The following INF2 variants were observed in gnomAD, a reference collection of about 807,000 sequenced individuals.
INF2 encodes inverted formin 2, also known as inverted formin-2.
In INF2, 43 loss-of-function variants were observed where a neutral mutation model predicts 123.5. That is an observed-to-expected ratio of 0.35 (90% confidence interval 0.27 to 0.45). The LOEUF (loss-of-function observed/expected upper bound fraction) is 0.45, where lower values mean the gene tolerates loss of function less well. INF2 is among the 20% of genes least tolerant of loss of function. The pLI is 1.00. For missense variants in INF2, 1,453 were observed against 1,682.7 expected, an observed-to-expected ratio of 0.86 and a Z score of 2.39; for synonymous variants, 851 against 745.0, an observed-to-expected ratio of 1.14 and a Z score of -2.32.
intron 6 of INF2, 128 bp from the exon 7 acceptor site, chr14:104,706,780 ACT>A (rs1187477698): frequency 2.9e-6 from 3 of 1,040,236 alleles, no homozygotes; most frequent in Non-Finnish European, 2.7e-6. Flanking sequence ...AGTCGCTGAA[ACT>A]CTCATCTCTA....
At chr14:104,718,171 C>G (rs1383307765) in intron 22 of INF2, among the ~76,000 whole-genome samples, 2 of 152,260 alleles carry the variant, frequency 1.3e-5, no homozygotes, top group Non-Finnish European at 2.9e-5. Flanking sequence ...GGTTCTCAAA[C>G]CCTGCTTGGG....
intron 22 of INF2, chr14:104,717,617 C>A (rs1890372712): frequency 6.6e-6 from 1 of 152,232 alleles, no homozygotes; most frequent in African/African-American, 2.4e-5. Flanking sequence ...AAGATAACTT[C>A]ACTTTGGGTT....
Position 104,710,968 on chromosome 14 carries a change from C to T in INF2, c.2271C>T (p.Phe757=). Residue 757 remains phenylalanine, a synonymous_variant, in exon 14 of 23, where the codon TTC becomes TTT. Coordinates refer to ENST00000392634, the MANE Select transcript of INF2 (RefSeq NM_022489.4). ...SLLTSRQLPI[F]CQLILRIGNF... is the part of the protein sequence containing the mutation. ...TCACCAGCCGCCAGCTGCCCATCTTCTGCCAGCTGATCCTGAGAATTGGGA... is the reference window on the plus strand; with the variant it reads ...TCACCAGCCGCCAGCTGCCCATCTTTTGCCAGCTGATCCTGAGAATTGGGA... The T allele has an allele frequency of 6.2e-7, 1 of 1,612,474 alleles. No homozygotes were observed. The highest frequency in any genetic ancestry group is 8.5e-7 in the Non-Finnish European group (1 of 1,179,792).
intron 2 of INF2, 134 bp from the exon 3 acceptor site, chr14:104,702,971 G>A: frequency 2.7e-6 from 2 of 741,546 alleles, no homozygotes; most frequent in Non-Finnish European, 4.7e-6. Flanking sequence ...GCCCACTGCT[G>A]TGGGCCACAG....
chr14:104,697,092 T>G (rs747696662), intron 1 of INF2, among the ~76,000 whole-genome samples: 45 of 152,294 alleles, frequency 3.0e-4, no homozygotes, highest in Non-Finnish European at 5.9e-4. Context: ...GTGGGGAGCC[T>G]GGACCCAGGC....
rs182087942 is a variant in INF2, at chr14:104,703,474, C to T, written c.667+20C>T. ...TTATCGGTAAGCACCTGCCCTGGGC[C>T]GCATGCCCGCTCCTGCCCGCCTCTT... On this transcript the variant is annotated intron_variant, in intron 4 of 22. Coordinates refer to ENST00000392634, the MANE Select transcript of INF2 (RefSeq NM_022489.4). The T allele has an allele frequency of 1.2e-5, 19 of 1,609,138 alleles. No homozygotes were observed. The highest frequency in any genetic ancestry group is 1.9e-4 in the Middle Eastern group (1 of 5,148).
At position 104,709,739 on chromosome 14, in the gene INF2, G is replaced by C. The variant is rs539720528; in HGVS notation, c.2138+34G>C. On this transcript the variant is annotated intron_variant, in intron 12 of 22. Coordinates refer to ENST00000392634, the MANE Select transcript of INF2 (RefSeq NM_022489.4). ...GGCCGCCCTCAGACCCCAGGGCCTG[G>C]GCCCCAGGTGGGAGGAGAGCAGGAA... The C allele has an allele frequency of 1.7e-5, 26 of 1,575,210 alleles. No individual in the cohort carries two copies. In the South Asian group the frequency reaches 2.4e-4, roughly 15 times the overall value.
In INF2 at chr14:104,693,351, C is replaced by T. The variant is rs548432135; in HGVS notation, c.-10+3612C>T. ...CCCCGGGCCCACCTCACAGTGAAGG[C>T]AGAGGCCCCCAGGCAGCCCTTGGTG... is the stretch of plus-strand genomic sequence containing the variant. On this transcript the variant is annotated intron_variant, in intron 1 of 22. Transcript: ENST00000392634. Among the ~76,000 whole-genome samples, 14 of 152,328 alleles carry T rather than the reference C, an allele frequency of 9.2e-5. No homozygotes were observed. The South Asian group carries it at 2.7e-3, about 29-fold the overall frequency.
chr14:104,698,129 G>T (rs561267432), intron 1 of INF2, among the ~76,000 whole-genome samples: 1 of 152,258 alleles, frequency 6.6e-6, no homozygotes. Flanking sequence ...TCCTGCGCTG[G>T]TGGCCCCGCC....
At chr14:104,715,727 C>T in intron 22 of INF2, 1 of 522,232 alleles carries the variant, frequency 1.9e-6, no homozygotes, top group East Asian at 4.8e-5. Flanking sequence ...CTGGCGCTAA[C>T]TGCAGTTCCA....
rs1890363671 is a variant in INF2, at chr14:104,717,424, C to G, written c.*2-1371C>G. 3.9e-5 allele frequency: 6 copies of G among 152,428 alleles called. No homozygotes were observed. In the South Asian group the frequency reaches 1.2e-3, roughly 31 times the overall value. The allele number at this position is 152,428 out of a possible 1,614,324, so 9.4% of individuals were successfully genotyped here. A position where few individuals can be genotyped will look rare whatever the true frequency, so the allele number is the denominator to read the frequency against. ...GCTTCACGTCCACATGCTTCTAATA[C>G]TCGGTCCCAGTGCAGATGTGCCACT... On this transcript the variant is annotated intron_variant, in intron 22 of 22. Transcript: ENST00000392634.
Position 104,699,611 on chromosome 14 carries a change from C to T in INF2, c.-9-1746C>T. ...CTTGCGCATCTGGGTGAGTGGACGG[C>T]CACTGGGTGACCAAGAGGGCCGGGC... On this transcript the variant is annotated intron_variant, in intron 1 of 22. Transcript: ENST00000392634. The surrounding 1 kb of genome is among the most constrained non-coding windows in gnomAD (Gnocchi z 4.7). The T allele has an allele frequency of 2.0e-6, 2 of 982,086 alleles. No individual in the cohort carries two copies. The highest frequency in any genetic ancestry group is 2.4e-6 in the Non-Finnish European group (2 of 828,054). The allele number at this position is 982,086 out of a possible 1,614,324, so 60.8% of individuals were successfully genotyped here.
chr14:104,710,239 C>T lies in INF2; in HGVS notation c.2239+51C>T, dbSNP rs960337285. The stretch of plus-strand genomic sequence containing the variant: ...GTGCAGGAGGGACAGGCCTCCGAAC[C>T]GGGGCGGGAGGGCTGCTCGGGGCCC... On this transcript the variant is annotated intron_variant, in intron 13 of 22. Transcript: ENST00000392634. The T allele has an allele frequency of 3.0e-5, 42 of 1,395,580 alleles. No individual in the cohort carries two copies. The East Asian group carries it at 5.0e-4, about 17-fold the overall frequency. 86.4% of individuals were successfully genotyped at this position (1,395,580 alleles called of 1,614,324 possible).
intron 1 of INF2, among the ~76,000 whole-genome samples, chr14:104,697,515 G>T (rs573373121): frequency 1.4e-4 from 21 of 152,382 alleles, no homozygotes; most frequent in African/African-American, 4.8e-4. Flanking sequence ...GTGAAGGCCA[G>T]CATGGCCCTG....
In INF2 at chr14:104,709,287, C is replaced by T. The variant is rs767304781; in HGVS notation, c.1956C>T (p.Asn652=). 2.1e-5 allele frequency: 34 copies of T among 1,612,308 alleles called. No individual in the cohort carries two copies. Among genetic ancestry groups the T allele is most frequent in the Middle Eastern group, 3.3e-4 (2 of 6,084 alleles). Residue 652 remains asparagine, a synonymous_variant, in exon 11 of 23, where the codon AAC becomes AAT. Transcript: ENST00000392634. ...GGTCCTCTCCCTGCTCCAGCTCCAA[C>T]GAGGAGGTCGCTGCTATGATCCGGG... ...NIFLKQFKCS[N]EEVAAMIRAG...
rs559105776 is a variant in INF2 at position 104,700,920 on chromosome 14, G to A, written c.-9-437G>A. 241 of 955,846 alleles carry A rather than the reference G, an allele frequency of 2.5e-4. 1 individual carries two copies. The African/African-American group carries it at 2.9e-3, about 12-fold the overall frequency. 59.2% of individuals were successfully genotyped at this position (955,846 alleles called of 1,614,324 possible). ...TGGGGCGGGGGAAGTGCCCTGGGGT[G>A]AGATAAGGCAGCCTCAGATGCGCCG... On this transcript the variant is annotated intron_variant, in intron 1 of 22. Transcript: ENST00000392634.
Position 104,710,191 on chromosome 14 carries a change from G to GAGTGGGGCCA in INF2, c.2239+6_2239+15dup, listed in dbSNP as rs1889978011. The stretch of plus-strand genomic sequence containing the variant: ...GCTGGTGCTGGCTGCCTGCGAAAGT[G>GAGTGGGGCCA]AGTGGGGCCAAGCGGGGCACGTGTG... On this transcript the variant is annotated splice_donor_region_variant and intron_variant, in intron 13 of 22. Transcript: ENST00000392634. 6.5e-7 allele frequency: 1 copy of GAGTGGGGCCA among 1,545,134 alleles called. No homozygotes were observed. Among genetic ancestry groups the GAGTGGGGCCA allele is most frequent in the African/African-American group, 1.4e-5 (1 of 73,026 alleles).
In INF2 at chr14:104,684,023, C is replaced by A. The variant is rs1888599127; in HGVS notation, c.-104+2441C>A. On this transcript the variant is annotated intron_variant, in intron 1 of 2. Transcript: ENST00000674723. The surrounding 1 kb of genome is among the most constrained non-coding windows in gnomAD (Gnocchi z 5.0). Reference sequence around the variant, plus strand: ...TCCCTCCAGCTCCTCAAATTCCCAACACCAGGGTTGCAAGGCCCAGTGTCT... The same window carrying A: ...TCCCTCCAGCTCCTCAAATTCCCAAAACCAGGGTTGCAAGGCCCAGTGTCT... 2 of 455,986 alleles carry A rather than the reference C, an allele frequency of 4.4e-6. No individual in the cohort carries two copies. Among genetic ancestry groups the A allele is most frequent in the African/African-American group, 2.0e-5 (1 of 50,204 alleles). 28.2% of individuals were successfully genotyped at this position (455,986 alleles called of 1,614,324 possible).
chr14:104,682,248 G>A (rs1324422881), intron 1 of INF2, among the ~76,000 whole-genome samples: 6 of 152,218 alleles, frequency 3.9e-5, no homozygotes, highest in Non-Finnish European at 8.8e-5. Flanking sequence ...GGGAGGGACA[G>A]GGAGGGCCTA....
Sources: allele counts gnomAD v4.1 joint callset (sites outside exome capture counted in the v4.1 genomes callset), GRCh38; gene constraint gnomAD v4.1.1; non-coding constraint Gnocchi (gnomAD v3.1); transcripts MANE v1.5; gene names NCBI Gene and HGNC (gene_info 2026-07-23, HGNC 2026-07-21).